The following LMAN1 variants were observed in gnomAD, a reference collection of about 807,000 sequenced individuals.
LMAN1 encodes the protein lectin, mannose binding 1, also known as protein ERGIC-53.
In LMAN1, 32 loss-of-function variants were observed where a neutral mutation model predicts 67.8. That is an observed-to-expected ratio of 0.47 (90% confidence interval 0.36 to 0.63). The LOEUF (loss-of-function observed/expected upper bound fraction) is 0.63, where lower values mean the gene tolerates loss of function less well. Ranked by LOEUF, LMAN1 falls within the 30% of genes least tolerant of loss-of-function variation. The pLI is 0.00. For missense variants in LMAN1, 632 were observed against 628.2 expected, an observed-to-expected ratio of 1.01 and a Z score of -0.06; for synonymous variants, 235 against 219.3, an observed-to-expected ratio of 1.07 and a Z score of -0.63.
chr18:59,351,307 C>G (rs1179427901), intron 5 of LMAN1: 1 of 152,070 alleles, frequency 6.6e-6, no homozygotes, highest in East Asian at 1.9e-4. Flanking sequence ...TTAGGAGAGA[C>G]AGATCATTAT....
intron 8 of LMAN1, among the ~76,000 whole-genome samples, chr18:59,341,672 C>A (rs1350100873): frequency 6.6e-6 from 1 of 151,614 alleles, no homozygotes; most frequent in African/African-American, 2.4e-5. Context: ...AAACACCAAA[C>A]CAAAACTGAA....
chr18:59,347,320 CAAAAAAAAAAAAAAAAAAAAAA>C lies in LMAN1; in HGVS notation c.822+171_822+192del, dbSNP rs58932497. 1.1e-4 allele frequency among the ~76,000 whole-genome samples: 8 copies of C among 70,348 alleles called. No homozygotes were observed. The South Asian group carries it at 1.8e-3, about 16-fold the overall frequency. The allele number at this position is 70,348 out of a possible 152,430, so 46.2% of individuals were successfully genotyped here. On this transcript the variant is annotated intron_variant, in intron 7 of 12. Transcript: ENST00000251047. Reference sequence around the variant, plus strand: ...TGGGAGACAGAGCGAGACTCCGTCTCAAAAAAAAAAAAAAAAAAAAAAAAAAAAAAAAAAAAAAAAGAAATGA... The same window carrying C: ...TGGGAGACAGAGCGAGACTCCGTCTCAAAAAAAAAAAAAAAAAAGAAATGA...
At chr18:59,342,741 A>G (rs190285343) in intron 8 of LMAN1, among the ~76,000 whole-genome samples, 83 of 152,280 alleles carry the variant, frequency 5.5e-4, no homozygotes, top group Non-Finnish European at 9.3e-4. Flanking sequence ...CTGGAACAAG[A>G]CAAGGATGCC....
rs566011013 is a variant in LMAN1 at position 59,329,703 on chromosome 18, A to T, written c.*1390T>A. The stretch of plus-strand genomic sequence containing the variant: ...AGAGTTCTTCAGAAAGTCTTTATAT[A>T]TAGATTTTAGGTCGTTAGCCCAATC... On this transcript the variant is annotated 3_prime_UTR_variant, in exon 13 of 13. Coordinates refer to ENST00000251047, the MANE Select transcript of LMAN1 (RefSeq NM_005570.4). The T allele has an allele frequency of 1.3e-5, 2 of 152,150 alleles. No homozygotes were observed. Among genetic ancestry groups the T allele is most frequent in the African/African-American group, 2.4e-5 (1 of 41,454 alleles). The allele number at this position is 152,150 out of a possible 1,614,324, so 9.4% of individuals were successfully genotyped here. A position where few individuals can be genotyped will look rare whatever the true frequency, so the allele number is the denominator to read the frequency against.
chr18:59,347,628 T>A, intron 6 of LMAN1, 57 bp from the exon 7 acceptor site: 1 of 1,124,022 alleles, frequency 8.9e-7, no homozygotes, highest in Non-Finnish European at 1.3e-6. Context: ...ACTTTTATCA[T>A]TGTAAATGTA....
chr18:59,340,164 T>C (rs2144216684), intron 8 of LMAN1, among the ~76,000 whole-genome samples: 1 of 152,268 alleles, frequency 6.6e-6, no homozygotes, highest in Middle Eastern at 3.4e-3. Context: ...GCCCTATCCT[T>C]AGTCCGAGTT....
At chr18:59,342,721 C>T (rs950546335) in intron 8 of LMAN1, among the ~76,000 whole-genome samples, 1 of 151,920 alleles carries the variant, frequency 6.6e-6, no homozygotes, top group Non-Finnish European at 1.5e-5. Flanking sequence ...GAAAACATTC[C>T]CTTTAAGAAC....
chr18:59,331,475 T>C lies in LMAN1; in HGVS notation c.1439A>G (p.His480Arg). 2 of 1,611,294 alleles carry C rather than the reference T, an allele frequency of 1.2e-6. No homozygotes were observed. Among genetic ancestry groups the C allele is most frequent in the Non-Finnish European group, 1.7e-6 (2 of 1,177,616 alleles). ...TTGCACCACAACAAATATAATGAAGTGGACCGTAGACAAACATGATGGAAA... is the reference window on the plus strand; with the variant it reads ...TTGCACCACAACAAATATAATGAAGCGGACCGTAGACAAACATGATGGAAA... ...PPFPSCLSTVHFIIFVVVQTV... is the reference protein window; with the variant it reads ...PPFPSCLSTVRFIIFVVVQTV... The change falls in exon 12 of 13, where the codon CAC becomes CGC. Residue 480 changes from histidine (H) to arginine (R), a missense_variant. Transcript: ENST00000251047.
At chr18:59,336,746 TG>T (rs1908156370) in intron 10 of LMAN1, among the ~76,000 whole-genome samples, 1 of 151,810 alleles carries the variant, frequency 6.6e-6, no homozygotes, top group East Asian at 1.9e-4. Flanking sequence ...TAGCTGGGTG[TG>T]GTGGCATGTA....
chr18:59,349,273 G>T, intron 5 of LMAN1, 37 bp from the exon 6 acceptor site: 1 of 1,582,094 alleles, frequency 6.3e-7, no homozygotes, highest in Non-Finnish European at 8.7e-7. Flanking sequence ...TTTTGCAAAA[G>T]ACATTAGAAA....
chr18:59,346,728 C>T (rs1603395308), intron 7 of LMAN1, among the ~76,000 whole-genome samples: 2 of 151,340 alleles, frequency 1.3e-5, no homozygotes, highest in Admixed American at 1.3e-4. Context: ...CCATGTTGGT[C>T]AGGCTGGTCT....
In LMAN1 at chr18:59,359,223, C is replaced by G. The variant is rs977237276; in HGVS notation, c.22G>C (p.Gly8Arg). 3 of 1,613,752 alleles carry G rather than the reference C, an allele frequency of 1.9e-6. No individual in the cohort carries two copies. Among genetic ancestry groups the G allele is most frequent in the Non-Finnish European group, 2.5e-6 (3 of 1,179,838 alleles). The change falls in exon 1 of 13, where the codon GGT becomes CGT. Residue 8 changes from glycine (G) to arginine (R), a missense_variant. Transcript: ENST00000251047. Reference protein sequence around the residue: MAGSRQRGLRARVRPLFC... With the variant: MAGSRQRRLRARVRPLFC... ...AGCGGCCGAACTCTGGCCCGGAGAC[C>G]CCTTTGCCTGGATCCCGCCATCTTG...
rs549167056 is a variant in LMAN1 at position 59,335,793 on chromosome 18, G to C, written c.1221-2549C>G. On this transcript the variant is annotated intron_variant, in intron 10 of 12. Transcript: ENST00000251047. ...ACACTAAGAAACTATCTGGAAAAGA[G>C]TATCTGGGCTGGATACTGTAAAGCT... is the stretch of plus-strand genomic sequence containing the variant. 1.6e-4 allele frequency among the ~76,000 whole-genome samples: 25 copies of C among 152,322 alleles called. No individual in the cohort carries two copies. In the South Asian group the frequency reaches 5.2e-3, roughly 32 times the overall value.
rs1160885627 is a variant in LMAN1, at chr18:59,328,546, G to C, written c.*2547C>G. 3.3e-5 allele frequency: 5 copies of C among 152,078 alleles called. No individual in the cohort carries two copies. The highest frequency in any genetic ancestry group is 1.2e-4 in the African/African-American group (5 of 41,406). The allele number at this position is 152,078 out of a possible 1,614,324, so 9.4% of individuals were successfully genotyped here. A position where few individuals can be genotyped will look rare whatever the true frequency, so the allele number is the denominator to read the frequency against. The stretch of plus-strand genomic sequence containing the variant: ...AAAAATATATTATCTTCTCAGCTCA[G>C]CTCTAAATTAACAAAACACCTATTT... On this transcript the variant is annotated 3_prime_UTR_variant, in exon 13 of 13. Transcript: ENST00000251047.
intron 8 of LMAN1, among the ~76,000 whole-genome samples, chr18:59,340,527 A>G (rs1908263758): frequency 6.6e-6 from 1 of 152,106 alleles, no homozygotes; most frequent in South Asian, 2.1e-4. Flanking sequence ...CAAGAATTTT[A>G]TATCCTGCTA....
intron 7 of LMAN1, 110 bp downstream of exon 7, chr18:59,347,403 T>A: frequency 1.4e-5 from 7 of 508,414 alleles, no homozygotes; most frequent in Non-Finnish European, 1.8e-5. Context: ...CACAAGACCA[T>A]ATAGCAGTAA....
Position 59,331,149 on chromosome 18 carries a change from A to G in LMAN1, c.1497-20T>C. 1 of 1,606,644 alleles carries G rather than the reference A, an allele frequency of 6.2e-7. No homozygotes were observed. The highest frequency in any genetic ancestry group is 8.5e-7 in the Non-Finnish European group (1 of 1,174,648). On this transcript the variant is annotated intron_variant, in intron 12 of 12. Coordinates refer to ENST00000251047, the MANE Select transcript of LMAN1 (RefSeq NM_005570.4). The stretch of plus-strand genomic sequence containing the variant: ...TGAGACCTAATGAAAAAAAGAAACA[A>G]ACACTTAAAGAAGTTCTATACGCTT...
Position 59,349,226 on chromosome 18 carries a change from T to C in LMAN1, c.650A>G (p.Asn217Ser), listed in dbSNP as rs756975668. The C allele has an allele frequency of 2.5e-6, 4 of 1,613,088 alleles. No homozygotes were observed. Among genetic ancestry groups the C allele is most frequent in the African/African-American group, 1.3e-5 (1 of 75,022 alleles). ...ATTTTTATCTGGTGTAAAGCCATTA[T>C]TGATCATTACCTAGAAAGACATATC... Reference protein sequence around the residue: ...YYQNTLTVMINNGFTPDKNDY... With the variant: ...YYQNTLTVMISNGFTPDKNDY... The change falls in exon 6 of 13, where the codon AAT becomes AGT. Residue 217 changes from asparagine to serine, a missense_variant. Physicochemically the swap from Asn to Ser is conservative, Grantham distance 46. Transcript: ENST00000251047.
Position 59,336,837 on chromosome 18 carries a change from T to C in LMAN1, c.1220+1720A>G, listed in dbSNP as rs529207900. Among the ~76,000 whole-genome samples, 8 of 152,136 alleles carry C rather than the reference T, an allele frequency of 5.3e-5. No homozygotes were observed. The South Asian group carries it at 8.3e-4, about 16-fold the overall frequency. On this transcript the variant is annotated intron_variant, in intron 10 of 12. Transcript: ENST00000251047. ...AGGTTGAGGCTGCAGAGAGCTGTGA[T>C]TGCACTACTGCACTCCAGCCTGGGC...
Sources: gnomAD v4.1 joint callset for allele counts (sites outside exome capture counted in the v4.1 genomes callset) on GRCh38, gnomAD v4.1.1 for gene constraint, MANE v1.5 for transcripts, NCBI Gene and HGNC (gene_info 2026-07-23, HGNC 2026-07-21) for gene names.